The following INTS4 variants were observed in gnomAD, a reference collection of about 807,000 sequenced individuals.
INTS4 encodes the protein integrator complex subunit 4.
In INTS4, 70 loss-of-function variants were observed where a neutral mutation model predicts 119.5. The ratio of observed to expected loss-of-function variants is 0.59; its 90% confidence interval spans 0.48 to 0.71. The LOEUF (loss-of-function observed/expected upper bound fraction) is 0.71. Ranked by LOEUF, INTS4 falls within the 30% of genes least tolerant of loss-of-function variation. The pLI is 0.00. For missense variants in INTS4, 867 were observed against 1,173.2 expected (o/e 0.74, Z 3.81); for synonymous variants, 316 against 419.6 (o/e 0.75, Z 3.02).
At chr11:77,992,426 C>A (rs1481997564) in intron 1 of INTS4, among the ~76,000 whole-genome samples, 1 of 151,952 alleles carries the variant, frequency 6.6e-6, no homozygotes, top group East Asian at 1.9e-4. Flanking sequence ...ATCCGATGGG[C>A]GTAGTGGCTT....
chr11:77,903,095 A>G (rs1406243219), intron 17 of INTS4, among the ~76,000 whole-genome samples: 1 of 152,216 alleles, frequency 6.6e-6, no homozygotes, highest in East Asian at 1.9e-4. Context: ...ATAGAAGAGA[A>G]AAAATCCAGG....
chr11:77,980,917 C>T (rs1427008247), intron 3 of INTS4, among the ~76,000 whole-genome samples: 1 of 151,770 alleles, frequency 6.6e-6, no homozygotes, highest in Non-Finnish European at 1.5e-5. Context: ...GACGTGAACC[C>T]GGGAGGCAGA....
intron 8 of INTS4, among the ~76,000 whole-genome samples, chr11:77,942,953 C>T (rs1200389663): frequency 6.6e-6 from 1 of 152,204 alleles, no homozygotes; most frequent in Non-Finnish European, 1.5e-5. Context: ...TTCAAAACCA[C>T]TTTTTCTTTT....
At chr11:77,990,483 C>T (rs1034296817) in intron 2 of INTS4, among the ~76,000 whole-genome samples, 5 of 151,870 alleles carry the variant, frequency 3.3e-5, no homozygotes, top group African/African-American at 7.3e-5. Context: ...GTCAGGAGTT[C>T]GAGACCAGCC....
chr11:77,947,020 C>A (rs1158323306), intron 8 of INTS4, among the ~76,000 whole-genome samples: 1 of 149,054 alleles, frequency 6.7e-6, no homozygotes, highest in African/African-American at 2.5e-5. Flanking sequence ...AAATAGTATA[C>A]AATTGAGAGC....
intron 15 of INTS4, among the ~76,000 whole-genome samples, chr11:77,908,988 A>G (rs1347753966): frequency 6.6e-6 from 1 of 152,206 alleles, no homozygotes; most frequent in Non-Finnish European, 1.5e-5. Flanking sequence ...AACTAAGCCA[A>G]TTAGTGCACA....
intron 12 of INTS4, among the ~76,000 whole-genome samples, chr11:77,923,254 G>C: frequency 7.0e-6 from 1 of 143,428 alleles, no homozygotes; most frequent in Non-Finnish European, 1.5e-5. Context: ...GAAGGCGGAG[G>C]TTCAGTGAGC....
At chr11:77,974,098 A>T (rs998979356) in intron 4 of INTS4, among the ~76,000 whole-genome samples, 16 of 152,100 alleles carry the variant, frequency 1.1e-4, no homozygotes, top group African/African-American at 3.9e-4. Flanking sequence ...GGTTTTCTTA[A>T]TCACTAATTC....
At chr11:77,967,204 T>C (rs1468958320) in intron 4 of INTS4, among the ~76,000 whole-genome samples, 1 of 152,122 alleles carries the variant, frequency 6.6e-6, no homozygotes. Flanking sequence ...ACAAAAGAAA[T>C]GCAATACATT....
At chr11:77,980,948 G>A (rs745962481) in intron 3 of INTS4, among the ~76,000 whole-genome samples, 56 of 151,790 alleles carry the variant, frequency 3.7e-4, no homozygotes, top group Admixed American at 2.4e-3. Context: ...AGCCGAGATC[G>A]TGCCACTGCA....
rs1309768852 is a variant in INTS4, at chr11:77,938,851, A to G, written c.991-26T>C. 1.9e-6 allele frequency: 3 copies of G among 1,541,628 alleles called. No individual in the cohort carries two copies. In the East Asian group the frequency reaches 6.8e-5, roughly 35 times the overall value. On this transcript the variant is annotated intron_variant, in intron 9 of 22. Transcript: ENST00000534064. ...CTGCAGAGGACAACAACAATTACCA[A>G]TTGTAGGAGGTTCATGAAGGAACAC...
At chr11:77,882,282 A>C (rs1951823941) in intron 22 of INTS4, among the ~76,000 whole-genome samples, 1 of 152,104 alleles carries the variant, frequency 6.6e-6, no homozygotes, top group East Asian at 1.9e-4. Flanking sequence ...TCTGCAATGA[A>C]CTAGGATACC....
intron 10 of INTS4, among the ~76,000 whole-genome samples, chr11:77,931,801 C>A (rs1372993761): frequency 2.0e-5 from 3 of 152,176 alleles, no homozygotes; most frequent in Admixed American, 6.5e-5. Flanking sequence ...CTACAACCAT[C>A]TGATCTTTCA....
In INTS4 at chr11:77,911,205, A is replaced by G. The variant is rs1329252623; in HGVS notation, c.1923-3395T>C. The stretch of plus-strand genomic sequence containing the variant: ...CTCAAAGTGATTGAAGAATTAATGT[A>G]TGATATATATCACTTCTTATTCGTT... On this transcript the variant is annotated intron_variant, in intron 15 of 22. Coordinates refer to ENST00000534064, the MANE Select transcript of INTS4 (RefSeq NM_033547.4). 3.6e-6 allele frequency: 4 copies of G among 1,118,566 alleles called. No individual in the cohort carries two copies. In the East Asian group the frequency reaches 2.5e-4, roughly 69 times the overall value. The allele number at this position is 1,118,566 out of a possible 1,614,324, so 69.3% of individuals were successfully genotyped here.
chr11:77,982,377 ATCC>A (rs1251116355), intron 2 of INTS4, among the ~76,000 whole-genome samples: 5 of 151,942 alleles, frequency 3.3e-5, no homozygotes, highest in African/African-American at 1.2e-4. Context: ...AGCTCAAGCA[ATCC>A]TCCTGCCTTG....
intron 4 of INTS4, among the ~76,000 whole-genome samples, chr11:77,975,073 T>C (rs1442446744): frequency 6.6e-6 from 1 of 152,208 alleles, no homozygotes; most frequent in Non-Finnish European, 1.5e-5. Context: ...CTGTTGTTTT[T>C]CTATTCTGTT....
At chr11:77,948,658 A>C (rs1954107828) in intron 8 of INTS4, among the ~76,000 whole-genome samples, 2 of 93,918 alleles carry the variant, frequency 2.1e-5, no homozygotes, top group South Asian at 2.7e-4. Flanking sequence ...AAGAAACAAA[A>C]AAAAAAAAAC....
chr11:77,963,543 G>C, intron 4 of INTS4: 1 of 355,534 alleles, frequency 2.8e-6, no homozygotes, highest in Non-Finnish European at 5.5e-6. Context: ...CCAATAATAA[G>C]ACCAATTTGT....
intron 8 of INTS4, among the ~76,000 whole-genome samples, chr11:77,946,466 A>G (rs1174084527): frequency 7.2e-5 from 11 of 152,244 alleles, no homozygotes; most frequent in Non-Finnish European, 1.5e-5. Context: ...TCAAAGGAAT[A>G]CAGTAAGTCT....
Sources: gnomAD v4.1 joint callset for allele counts (sites outside exome capture counted in the v4.1 genomes callset) on GRCh38, gnomAD v4.1.1 for gene constraint, MANE v1.5 for transcripts, NCBI Gene and HGNC (gene_info 2026-07-23, HGNC 2026-07-21) for gene names.